Variants in ZNF385D observed in about 807,000 individuals in gnomAD.
The protein encoded by ZNF385D is zinc finger protein 385D, also known as zinc finger protein 659.
ZNF385D carries 15 observed loss-of-function variants against 35.8 expected under a neutral mutation model. The ratio of observed to expected loss-of-function variants is 0.42; its 90% CI spans 0.28 to 0.64. ZNF385D has a LOEUF of 0.64. Ranked by LOEUF, ZNF385D falls within the 30% of genes least tolerant of loss-of-function variation. The pLI is 0.23. For synonymous variants in ZNF385D, 212 were observed against 186.8 expected (o/e 1.13, Z -1.10); for missense variants, 474 against 494.6 (o/e 0.96, Z 0.39).
chr3:22,297,110 T>C (rs1702627068), intron 2 of ZNF385D, among the ~76,000 whole-genome samples: 3 of 152,118 alleles, frequency 2.0e-5, no homozygotes, highest in African/African-American at 7.2e-5. Context: ...TGTATTCTCC[T>C]ATCTTGAAAA....
intron 3 of ZNF385D, among the ~76,000 whole-genome samples, chr3:21,838,907 A>G (rs866313012): frequency 4.6e-5 from 7 of 152,072 alleles, no homozygotes; most frequent in Non-Finnish European, 7.4e-5. Flanking sequence ...CACAAACTAA[A>G]CAATAACCGT....
intron 3 of ZNF385D, among the ~76,000 whole-genome samples, chr3:22,049,129 T>C (rs144768391): frequency 0.017 from 2,585 of 151,838 alleles, 68 homozygotes; most frequent in African/African-American, 0.059. Context: ...AAACCCCATC[T>C]CTACTAAAAA....
rs139382049 is a variant in ZNF385D at position 22,310,159 on chromosome 3, A to G, written c.106+62291T>C. On this transcript the variant is annotated intron_variant, in intron 2 of 5. Coordinates refer to the ZNF385D transcript ENST00000494108. ...TTGACCAATTTGGTGACATTATAGC[A>G]TAAAGGTTAAAAGGAGATTCCAGAG... is the stretch of plus-strand genomic sequence containing the variant. 2.9e-3 allele frequency among the ~76,000 whole-genome samples: 434 copies of G among 152,172 alleles called. 3 individuals carry two copies. The highest frequency in any genetic ancestry group is 9.8e-3 in the African/African-American group (409 of 41,564).
At chr3:21,427,289 T>A (rs1289311249) in intron 5 of ZNF385D, among the ~76,000 whole-genome samples, 3 of 152,240 alleles carry the variant, frequency 2.0e-5, no homozygotes, top group Non-Finnish European at 4.4e-5. Flanking sequence ...AAAATGTTTC[T>A]ATGCAGCTCC....
intron 3 of ZNF385D, among the ~76,000 whole-genome samples, chr3:21,809,042 T>C (rs1255265474): frequency 6.6e-6 from 1 of 152,172 alleles, no homozygotes; most frequent in African/African-American, 2.4e-5. Context: ...TAACATAAAA[T>C]ATATGGAATA....
At chr3:21,497,374 C>T (rs188607806) in intron 4 of ZNF385D, among the ~76,000 whole-genome samples, 14 of 152,158 alleles carry the variant, frequency 9.2e-5, no homozygotes, top group Non-Finnish European at 1.8e-4. Context: ...AATTACAAAA[C>T]ACTGTGCAAA....
intron 2 of ZNF385D, among the ~76,000 whole-genome samples, chr3:21,586,747 T>C (rs2063823197): frequency 6.6e-6 from 1 of 152,124 alleles, no homozygotes; most frequent in African/African-American, 2.4e-5. Context: ...ATATGTAACC[T>C]AACTGGGCAG....
chr3:22,218,586 C>G (rs1473758910), intron 2 of ZNF385D, among the ~76,000 whole-genome samples: 5 of 152,026 alleles, frequency 3.3e-5, no homozygotes, highest in Admixed American at 6.6e-5. Context: ...ATTGCACAGA[C>G]CAACTCCTTC....
intron 2 of ZNF385D, among the ~76,000 whole-genome samples, chr3:22,235,839 A>C (rs1050629498): frequency 1.3e-5 from 2 of 152,144 alleles, no homozygotes; most frequent in Non-Finnish European, 2.9e-5. Flanking sequence ...TTGAAGGGTA[A>C]TATAAAAATT....
intron 3 of ZNF385D, among the ~76,000 whole-genome samples, chr3:22,063,678 G>T (rs960041983): frequency 6.6e-6 from 1 of 152,300 alleles, no homozygotes; most frequent in Admixed American, 6.5e-5. Flanking sequence ...GCTGCGTGCT[G>T]ATAGCCCTCA....
intron 3 of ZNF385D, among the ~76,000 whole-genome samples, chr3:21,934,370 T>A (rs1007150078): frequency 6.6e-6 from 1 of 152,224 alleles, no homozygotes; most frequent in Non-Finnish European, 1.5e-5. Flanking sequence ...AAAAACAATT[T>A]GCAAGAAATA....
chr3:22,207,325 G>C (rs775430374), intron 2 of ZNF385D, among the ~76,000 whole-genome samples: 14 of 151,798 alleles, frequency 9.2e-5, no homozygotes, highest in Non-Finnish European at 1.6e-4. Context: ...GGTGTCAAGA[G>C]CATATTACAC....
intron 3 of ZNF385D, among the ~76,000 whole-genome samples, chr3:21,975,341 G>T (rs1254283869): frequency 6.6e-6 from 1 of 152,014 alleles, no homozygotes; most frequent in East Asian, 1.9e-4. Context: ...CTTATTGGTG[G>T]GAGCTAAAAA....
chr3:22,154,300 G>C (rs990530352), intron 3 of ZNF385D, among the ~76,000 whole-genome samples: 2 of 152,098 alleles, frequency 1.3e-5, no homozygotes, highest in Non-Finnish European at 2.9e-5. Flanking sequence ...GATTCATGTT[G>C]ATGCTGCAAA....
chr3:21,615,520 G>C (rs547483854), intron 2 of ZNF385D, among the ~76,000 whole-genome samples: 2 of 152,126 alleles, frequency 1.3e-5, no homozygotes, highest in African/African-American at 2.4e-5. Flanking sequence ...ATGTAACAAA[G>C]AGTCTCATAT....
At chr3:21,494,961 C>T (rs1175038624) in intron 4 of ZNF385D, among the ~76,000 whole-genome samples, 1 of 152,150 alleles carries the variant, frequency 6.6e-6, no homozygotes, top group Non-Finnish European at 1.5e-5. Flanking sequence ...TTGCTCTAGA[C>T]GTTCATGGCA....
chr3:21,990,175 T>C (rs1162600525), intron 3 of ZNF385D, among the ~76,000 whole-genome samples: 4 of 152,224 alleles, frequency 2.6e-5, no homozygotes, highest in Non-Finnish European at 5.9e-5. Flanking sequence ...CTTATTTTCT[T>C]TGAAAAGAAG....
chr3:22,140,865 T>C (rs1408881419), intron 3 of ZNF385D, among the ~76,000 whole-genome samples: 1 of 152,220 alleles, frequency 6.6e-6, no homozygotes, highest in Non-Finnish European at 1.5e-5. Context: ...AGTTCCATTA[T>C]TATCAGAAGA....
At chr3:21,858,367 T>C (rs760146582) in intron 3 of ZNF385D, among the ~76,000 whole-genome samples, 1 of 151,946 alleles carries the variant, frequency 6.6e-6, no homozygotes, top group Admixed American at 6.6e-5. Flanking sequence ...AAGGTTCACA[T>C]GTGCTATGGT....
Sources: gnomAD v4.1 joint callset for allele counts (sites outside exome capture counted in the v4.1 genomes callset) on GRCh38, gnomAD v4.1.1 for gene constraint, MANE v1.5 for transcripts, NCBI Gene and HGNC (gene_info 2026-07-23, HGNC 2026-07-21) for gene names.